Variants in SUN3 observed in about 807,000 individuals in gnomAD.
SUN3 encodes Sad1 and UNC84 domain containing 3, also known as SUN domain-containing protein 3.
SUN3 carries 36 observed loss-of-function variants against 48.2 expected under a neutral mutation model. The observed-to-expected ratio is 0.75, with a 90% CI of 0.57 to 0.99. SUN3 has a LOEUF of 0.99. SUN3 is among the 50% of genes least tolerant of loss of function. The probability of loss-of-function intolerance (pLI) is 0.00; values close to 1 mark genes in which losing one functional copy is unlikely to be tolerated. For missense variants in SUN3, 419 were observed against 433.1 expected (o/e 0.97, Z 0.29); for synonymous variants, 148 against 147.9 (o/e 1.00, Z 0.00).
intron 6 of SUN3, among the ~76,000 whole-genome samples, chr7:48,001,990 T>C (rs1264683316): frequency 1.3e-5 from 2 of 152,184 alleles, no homozygotes; most frequent in East Asian, 3.9e-4. Context: ...GGAATCACTG[T>C]CTTTCACAGT....
intron 3 of SUN3, 67 bp downstream of exon 3, chr7:48,017,195 T>G (rs1240088084): frequency 1.3e-6 from 1 of 757,390 alleles, no homozygotes; most frequent in Non-Finnish European, 2.2e-6. Flanking sequence ...TATTGAAAGT[T>G]GAACTAGCCT....
chr7:48,016,949 CT>C (rs949584475), intron 3 of SUN3, among the ~76,000 whole-genome samples: 2 of 152,208 alleles, frequency 1.3e-5, no homozygotes, highest in African/African-American at 4.8e-5. Flanking sequence ...CAAACTCATC[CT>C]TTTATTAGGA....
chr7:48,025,863 T>A lies in SUN3; in HGVS notation c.184+14A>T. On this transcript the variant is annotated intron_variant, in intron 2 of 9. Coordinates refer to ENST00000297325, the MANE Select transcript of SUN3 (RefSeq NM_001030019.2). Reference sequence around the variant, plus strand: ...GTGGAATGGTTTTAAGGATCATTACTTAGGAAGACTTACCTACAAGAAGAA... The same window carrying A: ...GTGGAATGGTTTTAAGGATCATTACATAGGAAGACTTACCTACAAGAAGAA... 6.4e-7 allele frequency: 1 copy of A among 1,564,472 alleles called. No homozygotes were observed. The highest frequency in any genetic ancestry group is 8.8e-7 in the Non-Finnish European group (1 of 1,138,446).
chr7:48,018,759 A>G (rs73111159), intron 2 of SUN3, among the ~76,000 whole-genome samples: 10,764 of 152,276 alleles, frequency 0.071, 570 homozygotes, highest in Non-Finnish European at 0.1. Context: ...AAAATGCTCA[A>G]TTTGCAAAAT....
rs77070129 is a variant in SUN3 at position 47,988,824 on chromosome 7, G to C, written c.918C>G (p.Asn306Lys). 10 of 1,606,290 alleles carry C rather than the reference G, an allele frequency of 6.2e-6. No homozygotes were observed. The highest frequency in any genetic ancestry group is 8.5e-6 in the Non-Finnish European group (10 of 1,175,754). ...EEIFLGQFIY[N>K]KTGTTVQTFE... ...ATGTTTGAACGGTGGTTCCTGTTTT[G>C]TTATATATAAACTGACCTAGGAAAA... The change falls in exon 9 of 10, where the codon AAC becomes AAG. Residue 306 changes from asparagine (N) to lysine (K), a missense_variant. Coordinates refer to ENST00000297325, the MANE Select transcript of SUN3 (RefSeq NM_001030019.2).
At chr7:48,019,929 T>C (rs1303267749) in intron 2 of SUN3, among the ~76,000 whole-genome samples, 1 of 141,018 alleles carries the variant, frequency 7.1e-6, no homozygotes, top group African/African-American at 2.7e-5. Context: ...CTAAACTCAT[T>C]CTACAAGGCC....
chr7:47,997,767 A>T (rs1789252683), intron 6 of SUN3, among the ~76,000 whole-genome samples: 1 of 152,052 alleles, frequency 6.6e-6, no homozygotes, highest in South Asian at 2.1e-4. Flanking sequence ...GGCAATTATT[A>T]ATCTATTTTC....
chr7:48,008,785 A>G (rs904380210), intron 4 of SUN3, among the ~76,000 whole-genome samples: 20 of 152,192 alleles, frequency 1.3e-4, no homozygotes, highest in Admixed American at 8.5e-4. Context: ...GGGTAGATTA[A>G]GTCACCTCTA....
chr7:48,009,142 C>G, intron 3 of SUN3, 67 bp from the exon 4 acceptor site: 1 of 1,435,744 alleles, frequency 7.0e-7, no homozygotes, highest in South Asian at 1.2e-5. Flanking sequence ...TTTTTTTTTT[C>G]TCAGAAAAGG....
In SUN3 at chr7:47,987,378, A is replaced by G. The variant is rs1210176023; in HGVS notation, c.1026T>C (p.Thr342=). 6.2e-7 allele frequency: 1 copy of G among 1,611,938 alleles called. No homozygotes were observed. The highest frequency in any genetic ancestry group is 1.7e-5 in the Admixed American group (1 of 59,876). Residue 342 remains threonine, a synonymous_variant, in exon 10 of 10, where the codon ACT becomes ACC. Transcript: ENST00000297325. ...IFSNWGHPKY[T]CLYRFRVHGT... is the part of the protein sequence containing the mutation. Reference sequence around the variant, plus strand: ...CATGGACCCTGAATCGATATAAACAAGTATACTTCGGGTGTCCCCAGTTGC... The same window carrying G: ...CATGGACCCTGAATCGATATAAACAGGTATACTTCGGGTGTCCCCAGTTGC...
chr7:48,027,152 CTGTGCTGT>C (rs1790158803), intron 1 of SUN3, among the ~76,000 whole-genome samples: 1 of 152,154 alleles, frequency 6.6e-6, no homozygotes, highest in African/African-American at 2.4e-5. Context: ...TGAGAGTCAA[CTGTGCTGT>C]TGTGTATAGT....
chr7:48,017,375 A>G lies in SUN3; in HGVS notation c.185-10T>C. 6.8e-7 allele frequency: 1 copy of G among 1,472,250 alleles called. No homozygotes were observed. Among genetic ancestry groups the G allele is most frequent in the Non-Finnish European group, 9.4e-7 (1 of 1,061,728 alleles). The allele number at this position is 1,472,250 out of a possible 1,614,324, so 91.2% of individuals were successfully genotyped here. A position where few individuals can be genotyped will look rare whatever the true frequency, so the allele number is the denominator to read the frequency against. On this transcript the variant is annotated splice_polypyrimidine_tract_variant and intron_variant, in intron 2 of 9. Transcript: ENST00000297325. ...TGATGATTTAGGAGTCCTGTTAAAG[A>G]AAAGACAAACTTTGATTAAAGAGTT...
At chr7:48,032,236 T>C (rs1790265059), upstream of SUN3, among the ~76,000 whole-genome samples, 1 of 152,188 alleles carries the variant, frequency 6.6e-6, no homozygotes, top group African/African-American at 2.4e-5. Context: ...ACTTGAAATG[T>C]ATTGAGGGAG....
intron 6 of SUN3, among the ~76,000 whole-genome samples, chr7:48,003,809 G>T (rs141371053): frequency 6.6e-6 from 1 of 152,302 alleles, no homozygotes; most frequent in Non-Finnish European, 1.5e-5. Context: ...CTTTCGGGCT[G>T]AGACTATGGG....
chr7:48,019,213 G>T (rs1298316971), intron 2 of SUN3, among the ~76,000 whole-genome samples: 1 of 152,188 alleles, frequency 6.6e-6, no homozygotes, highest in African/African-American at 2.4e-5. Context: ...CATATGCATT[G>T]TGGCAGTCTC....
At chr7:47,991,994 G>T (rs1789078251) in intron 8 of SUN3, among the ~76,000 whole-genome samples, 1 of 152,088 alleles carries the variant, frequency 6.6e-6, no homozygotes, top group Admixed American at 6.5e-5. Context: ...GCACAAAGTG[G>T]TGACCCCGCG....
chr7:48,012,599 T>C (rs1024399299), intron 3 of SUN3, among the ~76,000 whole-genome samples: 1 of 152,354 alleles, frequency 6.6e-6, no homozygotes, highest in South Asian at 2.1e-4. Context: ...ACTATAGTGA[T>C]TGCAGACTGT....
At position 47,991,669 on chromosome 7, in the gene SUN3, A is replaced by T. The variant is rs73111107; in HGVS notation, c.861+2646T>A. On this transcript the variant is annotated intron_variant, in intron 8 of 9. Transcript: ENST00000297325. ...AAAAACCAAAAAGTGAAGATGGCCAAATGGCGCCTGGAGAGAAAGAACACA... is the reference window on the plus strand; with the variant it reads ...AAAAACCAAAAAGTGAAGATGGCCATATGGCGCCTGGAGAGAAAGAACACA... 7.2e-3 allele frequency among the ~76,000 whole-genome samples: 1,095 copies of T among 152,266 alleles called. 7 individuals carry two copies. Among genetic ancestry groups the T allele is most frequent in the South Asian group, 0.017 (84 of 4,824 alleles).
chr7:47,996,591 T>C (rs1266985282), intron 6 of SUN3, among the ~76,000 whole-genome samples: 2 of 152,186 alleles, frequency 1.3e-5, no homozygotes, highest in East Asian at 1.9e-4. Flanking sequence ...TGCAGATTCA[T>C]TGAACTCTAT....
Sources: gnomAD v4.1 joint callset for allele counts (sites outside exome capture counted in the v4.1 genomes callset) on GRCh38, gnomAD v4.1.1 for gene constraint, MANE v1.5 for transcripts, NCBI Gene and HGNC (gene_info 2026-07-23, HGNC 2026-07-21) for gene names.